Variants in NTM observed in about 807,000 individuals in gnomAD.
NTM encodes IgLON family member 2.
NTM carries 13 observed loss-of-function variants against 42.1 expected under a neutral mutation model. The observed-to-expected ratio is 0.31, with a 90% CI of 0.20 to 0.49. The LOEUF is 0.49. Among genes scored for constraint, NTM ranks in the 20% least tolerant of loss-of-function variants. The pLI is 0.99. For synonymous variants in NTM, 187 were observed against 179.2 expected (o/e 1.04, Z -0.35); for missense variants, 373 against 452.8 (o/e 0.82, Z 1.60).
Position 131,501,061 on chromosome 11 carries a change from T to C in NTM, c.82+130173T>C, listed in dbSNP as rs575324064. ...AGATGGTCTGACTTCCAGACCTGCC[T>C]AGTTACATAACCACAATCCAAATTC... On this transcript the variant is annotated intron_variant, in intron 1 of 8. Transcript: ENST00000683400. Among the ~76,000 whole-genome samples the C allele has an allele frequency of 9.2e-5, 14 of 152,044 alleles. No individual in the cohort carries two copies. In the South Asian group the frequency reaches 2.7e-3, roughly 29 times the overall value.
At chr11:131,894,020 T>G (rs543790693) in intron 1 of NTM, among the ~76,000 whole-genome samples, 2 of 152,330 alleles carry the variant, frequency 1.3e-5, no homozygotes, top group Middle Eastern at 6.8e-3. Context: ...CATTTTTAGC[T>G]TCTTTTGTGG....
chr11:132,180,403 A>C (rs188421506), intron 3 of NTM, among the ~76,000 whole-genome samples: 45 of 152,272 alleles, frequency 3.0e-4, no homozygotes, highest in Admixed American at 1.4e-3. Context: ...TAAAGCAAGC[A>C]ACTTCAAAGG....
At chr11:131,691,478 C>A (rs920589436) in intron 1 of NTM, among the ~76,000 whole-genome samples, 1 of 152,114 alleles carries the variant, frequency 6.6e-6, no homozygotes, top group Non-Finnish European at 1.5e-5. Context: ...AGGCGTGGAC[C>A]CCACACCACC....
In NTM at chr11:132,075,338, A is replaced by G. The variant is rs147700936; in HGVS notation, c.168-70944A>G. ...GTAAGTGTTCTTGCTGCTATAAAAT[A>G]AAATTTTAATCAATACATATTAAAA... On this transcript the variant is annotated intron_variant, in intron 2 of 8. Transcript: ENST00000683400. Among the ~76,000 whole-genome samples the G allele has an allele frequency of 3.1e-3, 466 of 152,334 alleles. 6 individuals carry two copies. The highest frequency in any genetic ancestry group is 0.01 in the African/African-American group (432 of 41,582).
At chr11:131,822,605 G>A (rs527765713) in intron 1 of NTM, among the ~76,000 whole-genome samples, 2 of 152,206 alleles carry the variant, frequency 1.3e-5, no homozygotes, top group South Asian at 2.1e-4. Context: ...ATCAGCAACT[G>A]ATAAGGGGAA....
intron 1 of NTM, among the ~76,000 whole-genome samples, chr11:131,508,346 C>T (rs1400453915): frequency 2.0e-5 from 3 of 149,146 alleles, no homozygotes. Context: ...TACCATCTCA[C>T]ACCAGTTAGA....
chr11:131,789,895 G>A (rs1181364386), intron 1 of NTM, among the ~76,000 whole-genome samples: 1 of 141,318 alleles, frequency 7.1e-6, no homozygotes, highest in Non-Finnish European at 1.5e-5. Context: ...GGCGGAGCTT[G>A]CAGTGAGCCG....
At chr11:132,138,876 A>G (rs536058064) in intron 2 of NTM, among the ~76,000 whole-genome samples, 1 of 152,190 alleles carries the variant, frequency 6.6e-6, no homozygotes, top group East Asian at 1.9e-4. Context: ...TTCTAGAAAC[A>G]CCTCACAGAT....
chr11:131,709,174 G>A (rs540297883), intron 1 of NTM, among the ~76,000 whole-genome samples: 2 of 152,260 alleles, frequency 1.3e-5, no homozygotes, highest in East Asian at 3.9e-4. Context: ...ATAAGAGTAA[G>A]GTGGGGAGGA....
At chr11:132,060,423 T>G (rs892938162) in intron 2 of NTM, among the ~76,000 whole-genome samples, 1 of 126,508 alleles carries the variant, frequency 7.9e-6, no homozygotes, top group African/African-American at 2.5e-5. Context: ...TGATTGTTAC[T>G]GCGCTATGAA....
At chr11:131,533,213 G>A (rs2051571578) in intron 1 of NTM, among the ~76,000 whole-genome samples, 1 of 152,168 alleles carries the variant, frequency 6.6e-6, no homozygotes, top group Admixed American at 6.5e-5. Flanking sequence ...TAACAACCCA[G>A]GAAAACCACT....
chr11:132,236,992 G>A (rs1407382873), intron 4 of NTM, among the ~76,000 whole-genome samples: 1 of 151,640 alleles, frequency 6.6e-6, no homozygotes, highest in Non-Finnish European at 1.5e-5. Flanking sequence ...TGGAAGTGCA[G>A]CAGCCCTAGA....
chr11:131,483,547 T>C (rs1324057618), intron 1 of NTM, among the ~76,000 whole-genome samples: 1 of 152,230 alleles, frequency 6.6e-6, no homozygotes, highest in Non-Finnish European at 1.5e-5. Context: ...AAAGTGGAAA[T>C]TAAGTTCTTA....
At chr11:131,613,144 A>T (rs573042768) in intron 1 of NTM, among the ~76,000 whole-genome samples, 4 of 151,812 alleles carry the variant, frequency 2.6e-5, no homozygotes, top group Admixed American at 2.6e-4. Flanking sequence ...CATCTAGCAC[A>T]CTTCTTGCAG....
At chr11:131,660,672 A>G in intron 1 of NTM, 1 of 435,032 alleles carries the variant, frequency 2.3e-6, no homozygotes, top group Non-Finnish European at 4.6e-6. Flanking sequence ...TCATCCATGA[A>G]GCGGGGACAG....
chr11:132,325,535 G>A (rs1295427182), intron 7 of NTM, among the ~76,000 whole-genome samples: 2 of 152,126 alleles, frequency 1.3e-5, no homozygotes, highest in East Asian at 1.9e-4. Flanking sequence ...TGGAGAGGAT[G>A]TGGAGAAATA....
intron 1 of NTM, among the ~76,000 whole-genome samples, chr11:131,815,751 G>A (rs1159069861): frequency 6.6e-6 from 1 of 152,164 alleles, no homozygotes; most frequent in African/African-American, 2.4e-5. Context: ...GGCAGGTTGA[G>A]TAAGCACTGA....
At chr11:131,920,741 TG>T (rs2057103405) in intron 2 of NTM, among the ~76,000 whole-genome samples, 1 of 152,228 alleles carries the variant, frequency 6.6e-6, no homozygotes, top group Non-Finnish European at 1.5e-5. Context: ...ACAATCTTGC[TG>T]ATGGATTTCT....
chr11:131,493,211 C>T (rs1363019956), intron 1 of NTM, among the ~76,000 whole-genome samples: 3 of 151,958 alleles, frequency 2.0e-5, no homozygotes, highest in Non-Finnish European at 2.9e-5. Context: ...TGCACTCCAG[C>T]CTGGGTGGCA....
Sources: gnomAD v4.1 joint callset for allele counts (sites outside exome capture counted in the v4.1 genomes callset) on GRCh38, gnomAD v4.1.1 for gene constraint, MANE v1.5 for transcripts, NCBI Gene and HGNC (gene_info 2026-07-23, HGNC 2026-07-21) for gene names.